Variants in ITGA11 observed in about 807,000 individuals in gnomAD.
The protein encoded by ITGA11 is integrin alpha-11.
ITGA11 carries 97 observed loss-of-function variants against 141.9 expected under a neutral mutation model. The observed-to-expected ratio is 0.68, with a 90% CI of 0.58 to 0.81. ITGA11 has a LOEUF of 0.81. ITGA11 is among the 30% of genes least tolerant of loss of function. The probability of loss-of-function intolerance (pLI) is 0.00; values close to 1 mark genes in which losing one functional copy is unlikely to be tolerated. For missense variants in ITGA11, 1,387 were observed against 1,559.2 expected (o/e 0.89, Z 1.86); for synonymous variants, 658 against 624.6 (o/e 1.05, Z -0.80).
chr15:68,312,721 G>A (rs1314109178), intron 24 of ITGA11, 52 bp downstream of exon 24: 2 of 1,338,356 alleles, frequency 1.5e-6, no homozygotes, highest in African/African-American at 1.4e-5. Flanking sequence ...TCCAGGATGG[G>A]GGTGCTCAGA....
At position 68,351,396 on chromosome 15, in the gene ITGA11, C is replaced by T; in HGVS notation, c.756G>A (p.Glu252=). 6.2e-7 allele frequency: 1 copy of T among 1,613,818 alleles called. No individual in the cohort carries two copies. The highest frequency in any genetic ancestry group is 1.1e-5 in the South Asian group (1 of 91,066). The change falls in exon 8 of 30, where the codon GAG becomes GAA. Residue 252 remains glutamate, a synonymous_variant. Coordinates refer to ENST00000315757, the MANE Select transcript of ITGA11 (RefSeq NM_001004439.2). ...TAFGIEFARS[E]AFQKGGRKGA... ...CTTTCCTTCCACCCTTCTGGAAAGC[C>T]TCTGAGCTGGAAGCCAAGCACAGGG...
At chr15:68,382,356 C>T (rs1000050345) in intron 2 of ITGA11, among the ~76,000 whole-genome samples, 2 of 152,202 alleles carry the variant, frequency 1.3e-5, no homozygotes, top group Admixed American at 6.5e-5. Context: ...CCACCACTCA[C>T]CTGGTCTCCT....
intron 1 of ITGA11, 81 bp downstream of exon 1, chr15:68,431,934 G>C (rs964071478): frequency 1.9e-6 from 2 of 1,041,552 alleles, no homozygotes; most frequent in East Asian, 6.5e-5. Context: ...GTCGCGTCCC[G>C]ATCCTGGCCG....
intron 2 of ITGA11, among the ~76,000 whole-genome samples, chr15:68,379,333 A>G (rs1895804115): frequency 6.6e-6 from 1 of 151,996 alleles, no homozygotes; most frequent in African/African-American, 2.4e-5. Flanking sequence ...CTATACCTTT[A>G]TTGTTTGTGT....
At chr15:68,399,591 C>T (rs781240246) in intron 2 of ITGA11, among the ~76,000 whole-genome samples, 13 of 152,094 alleles carry the variant, frequency 8.5e-5, no homozygotes, top group Non-Finnish European at 1.6e-4. Context: ...GATAAAGAAA[C>T]TGTGGTTCAT....
rs1345351078 is a variant in ITGA11, at chr15:68,325,620, A to T, written c.2212-379T>A. Among the ~76,000 whole-genome samples, 3 of 151,998 alleles carry T rather than the reference A, an allele frequency of 2.0e-5. No homozygotes were observed. Among genetic ancestry groups the T allele is most frequent in the East Asian group, 3.9e-4 (2 of 5,174 alleles). On this transcript the variant is annotated intron_variant, in intron 17 of 29. Transcript: ENST00000315757. This position sits in a 1 kb window ranked among gnomAD's most constrained non-coding sequence, Gnocchi z 5.5. Reference sequence around the variant, plus strand: ...CAGTTACGCCTGCTGCTCATGTAGCATTTGAACCATATGACTGTGTGTCAC... The same window carrying T: ...CAGTTACGCCTGCTGCTCATGTAGCTTTTGAACCATATGACTGTGTGTCAC...
chr15:68,312,945 T>C (rs898784177), intron 23 of ITGA11, 82 bp from the exon 24 acceptor site: 39 of 1,019,352 alleles, frequency 3.8e-5, no homozygotes, highest in Non-Finnish European at 5.7e-5. Context: ...GGAGAGGGCA[T>C]GTGCCGGCCT....
At chr15:68,359,643 C>T (rs926771532) in intron 5 of ITGA11, among the ~76,000 whole-genome samples, 1 of 151,372 alleles carries the variant, frequency 6.6e-6, no homozygotes, top group Non-Finnish European at 1.5e-5. Flanking sequence ...GAGACTCTGC[C>T]TCAAAAACAA....
intron 2 of ITGA11, among the ~76,000 whole-genome samples, chr15:68,401,793 G>A (rs1168407024): frequency 1.3e-5 from 2 of 152,134 alleles, no homozygotes; most frequent in East Asian, 1.9e-4. Context: ...ATGGAAGTTC[G>A]TTAAGTTGCA....
At chr15:68,413,206 A>C (rs185396940) in intron 1 of ITGA11, among the ~76,000 whole-genome samples, 97 of 152,326 alleles carry the variant, frequency 6.4e-4, no homozygotes, top group Non-Finnish European at 1.1e-3. Context: ...CCTGGAACAC[A>C]GTTTGAGAAC....
intron 2 of ITGA11, among the ~76,000 whole-genome samples, chr15:68,385,283 T>C (rs553571445): frequency 1.3e-5 from 2 of 152,350 alleles, no homozygotes; most frequent in South Asian, 4.1e-4. Flanking sequence ...CTTTGCTGCC[T>C]CTGCTGAGGC....
rs934299633 is a variant in ITGA11, at chr15:68,307,791, G to T, written c.3175-95C>A. 4 of 804,074 alleles carry T rather than the reference G, an allele frequency of 5.0e-6. No individual in the cohort carries two copies. Among genetic ancestry groups the T allele is most frequent in the East Asian group, 5.2e-5 (2 of 38,698 alleles). 49.8% of individuals were successfully genotyped at this position (804,074 alleles called of 1,614,324 possible). A position where few individuals can be genotyped will look rare whatever the true frequency, so the allele number is the denominator to read the frequency against. ...AACGACTGGGGCTCTGCTCCTGGGG[G>T]CAGGGGCAGAGGACAGGGGACAAAG... On this transcript the variant is annotated intron_variant, in intron 26 of 29. Coordinates refer to ENST00000315757, the MANE Select transcript of ITGA11 (RefSeq NM_001004439.2). The surrounding 1 kb of genome is among the most constrained non-coding windows in gnomAD (Gnocchi z 6.1).
Position 68,432,010 on chromosome 15 carries a change from C to T in ITGA11, c.52+5G>A. ...GGCAAGGGGAGGCAGAGGGTGGGCA[C>T]CTACCTGGCCACAGGCTGAGCGCCC... On this transcript the variant is annotated splice_donor_5th_base_variant and intron_variant, in intron 1 of 29. Transcript: ENST00000315757. 7.6e-7 allele frequency: 1 copy of T among 1,311,782 alleles called. No individual in the cohort carries two copies. Among genetic ancestry groups the T allele is most frequent in the East Asian group, 3.1e-5 (1 of 32,328 alleles). The allele number at this position is 1,311,782 out of a possible 1,614,324, so 81.3% of individuals were successfully genotyped here.
intron 20 of ITGA11, among the ~76,000 whole-genome samples, chr15:68,319,833 G>A (rs1237669783): frequency 6.6e-6 from 1 of 152,194 alleles, no homozygotes. Context: ...AAGTCACTGA[G>A]GGAGCTTTAA....
intron 1 of ITGA11, among the ~76,000 whole-genome samples, chr15:68,409,942 C>A (rs1008906597): frequency 6.6e-6 from 1 of 152,206 alleles, no homozygotes; most frequent in African/African-American, 2.4e-5. Flanking sequence ...CACCGACCGT[C>A]GTCAGTCACT....
intron 10 of ITGA11, chr15:68,340,701 G>A (rs1053961506): frequency 2.6e-5 from 4 of 152,204 alleles, no homozygotes; most frequent in Non-Finnish European, 4.4e-5. Context: ...AAAGTTTCCA[G>A]GTTACTGACC....
In ITGA11 at chr15:68,376,980, G is replaced by C. The variant is rs375850653; in HGVS notation, c.165-7696C>G. 7.9e-5 allele frequency among the ~76,000 whole-genome samples: 12 copies of C among 152,346 alleles called. No individual in the cohort carries two copies. The South Asian group carries it at 2.1e-3, about 26-fold the overall frequency. The stretch of plus-strand genomic sequence containing the variant: ...TTTGAAGGATCTGCTAAGGAAGCAG[G>C]TAGGAGGCCCTCTGGCCAAGTAAAG... On this transcript the variant is annotated intron_variant, in intron 2 of 29. Coordinates refer to ENST00000315757, the MANE Select transcript of ITGA11 (RefSeq NM_001004439.2).
rs899985288 is a variant in ITGA11, at chr15:68,324,160, G to A, written c.2322+971C>T. On this transcript the variant is annotated intron_variant, in intron 18 of 29. Transcript: ENST00000315757. The surrounding 1 kb of genome is among the most constrained non-coding windows in gnomAD (Gnocchi z 6.3). ...AAAGAGGGGAGGTGTGAGGACGGAG[G>A]TTTGGCAGGGGACTGTGGGAGGCCT... 6.6e-6 allele frequency among the ~76,000 whole-genome samples: 1 copy of A among 151,748 alleles called. No homozygotes were observed. Among genetic ancestry groups the A allele is most frequent in the Non-Finnish European group, 1.5e-5 (1 of 67,908 alleles).
chr15:68,344,950 C>T (rs1382173240), intron 10 of ITGA11, among the ~76,000 whole-genome samples: 2 of 152,052 alleles, frequency 1.3e-5, no homozygotes, highest in Admixed American at 1.3e-4. Context: ...CCAGCTGAGC[C>T]CTCTGCACAC....
Sources: allele counts gnomAD v4.1 joint callset (sites outside exome capture counted in the v4.1 genomes callset), GRCh38; gene constraint gnomAD v4.1.1; non-coding constraint Gnocchi (gnomAD v3.1); transcripts MANE v1.5; gene names NCBI Gene and HGNC (gene_info 2026-07-23, HGNC 2026-07-21).